CEP120: variants seen among roughly 807,000 people sequenced by gnomAD.
CEP120 encodes centrosomal protein of 120 kDa.
A neutral mutation model predicts 126.5 loss-of-function variants in CEP120; 113 were observed. The ratio of observed to expected loss-of-function variants is 0.89; its 90% CI spans 0.77 to 1.04. The LOEUF is 1.04. Ranked by LOEUF, CEP120 falls within the 50% of genes least tolerant of loss-of-function variation. The pLI is 0.00. For missense variants in CEP120, 1,230 were observed against 1,155.7 expected, an observed-to-expected ratio of 1.06 and a Z score of -0.93; for synonymous variants, 400 against 394.3, an observed-to-expected ratio of 1.01 and a Z score of -0.17.
chr5:123,418,813 C>G (rs779244218), intron 1 of CEP120, among the ~76,000 whole-genome samples: 37 of 152,208 alleles, frequency 2.4e-4, no homozygotes, highest in South Asian at 1.0e-3. Context: ...GAACTCCTGA[C>G]TTCAGGTGAT....
rs772135307 is a variant in CEP120 at position 123,383,079 on chromosome 5, T to G, written c.1767A>C (p.Ser589=). 1.9e-5 allele frequency: 28 copies of G among 1,451,886 alleles called. No homozygotes were observed. The highest frequency in any genetic ancestry group is 2.6e-5 in the Non-Finnish European group (27 of 1,051,652). The allele number at this position is 1,451,886 out of a possible 1,614,324, so 89.9% of individuals were successfully genotyped here. Residue 589 remains serine (S), a synonymous_variant, in exon 12 of 20, where the codon TCA becomes TCC. Transcript: ENST00000306467. ...ESVPVIAAQG[S]NNRIADLSYT... is the part of the protein sequence containing the mutation. ...AAGAAAGATCTGCTATCCTGTTATT[T>G]GATCTACAAATAAAATAAGAAATAC...
In CEP120 at chr5:123,412,442, C is replaced by A; in HGVS notation, c.420G>T (p.Val140=). The A allele has an allele frequency of 6.2e-7, 1 of 1,611,914 alleles. No individual in the cohort carries two copies. Among genetic ancestry groups the A allele is most frequent in the Non-Finnish European group, 8.5e-7 (1 of 1,179,068 alleles). Residue 140 remains valine (V), a synonymous_variant, in exon 4 of 20, where the codon GTG becomes GTT. Coordinates refer to ENST00000306467, the MANE Select transcript of CEP120 (RefSeq NM_001375405.1). ...GAGCCCCCTTTGCTTTAAAGCTATCCACTGGTGGCTTTGTATCGGTTTCCA... is the reference window on the plus strand; with the variant it reads ...GAGCCCCCTTTGCTTTAAAGCTATCAACTGGTGGCTTTGTATCGGTTTCCA... ...IALETDTKPP[V]DSFKAKGAPP... is the part of the protein sequence containing the mutation.
chr5:123,366,244 G>A (rs1770449492), intron 17 of CEP120, among the ~76,000 whole-genome samples: 1 of 151,714 alleles, frequency 6.6e-6, no homozygotes, highest in East Asian at 1.9e-4. Flanking sequence ...CTAAAATTTT[G>A]ATATAATTTC....
intron 4 of CEP120, among the ~76,000 whole-genome samples, chr5:123,411,511 A>G (rs1774059013): frequency 6.6e-6 from 1 of 152,252 alleles, no homozygotes. Flanking sequence ...AGCACTCAAA[A>G]GAAATGAGCT....
chr5:123,366,066 ATTC>A (rs1456101670), intron 17 of CEP120, among the ~76,000 whole-genome samples: 1 of 151,808 alleles, frequency 6.6e-6, no homozygotes, highest in Non-Finnish European at 1.5e-5. Flanking sequence ...TAATTTCTTT[ATTC>A]TTAATACAAT....
At chr5:123,399,321 T>C in intron 4 of CEP120, 37 bp from the exon 5 acceptor site, 1 of 1,599,258 alleles carries the variant, frequency 6.3e-7, no homozygotes, top group South Asian at 1.1e-5. Context: ...TACATTGTAG[T>C]TTGTCATAAA....
chr5:123,410,732 T>C (rs1774004862), intron 4 of CEP120, among the ~76,000 whole-genome samples: 1 of 152,170 alleles, frequency 6.6e-6, no homozygotes, highest in African/African-American at 2.4e-5. Context: ...ATAAAAGTCC[T>C]AGAAGATAAC....
chr5:123,415,867 C>CAAA, intron 3 of CEP120, 143 bp downstream of exon 3: 5 of 431,372 alleles, frequency 1.2e-5, no homozygotes, highest in South Asian at 7.4e-5. Context: ...GACTCCGTCT[C>CAAA]AAAAAAAAAA....
rs1478422696 is a variant in CEP120 at position 123,355,751 on chromosome 5, T to C, written c.2581-5662A>G. ...GTAGGTTGCCTGTTCACTCTGATGGTAGTTTCTTTTGCTGTGCAGAAGCTC... is the reference window on the plus strand; with the variant it reads ...GTAGGTTGCCTGTTCACTCTGATGGCAGTTTCTTTTGCTGTGCAGAAGCTC... On this transcript the variant is annotated intron_variant, in intron 18 of 19. Transcript: ENST00000306467. 3.9e-5 allele frequency among the ~76,000 whole-genome samples: 6 copies of C among 151,912 alleles called. No individual in the cohort carries two copies. The East Asian group carries it at 1.2e-3, about 29-fold the overall frequency.
At position 123,369,239 on chromosome 5, in the gene CEP120, C is replaced by A. The variant is rs147869339; in HGVS notation, c.2481+3411G>T. On this transcript the variant is annotated intron_variant, in intron 17 of 19. Coordinates refer to ENST00000306467, the MANE Select transcript of CEP120 (RefSeq NM_001375405.1). The stretch of plus-strand genomic sequence containing the variant: ...CTTAACTTTTATATTTACAAACATA[C>A]AATTTAAGTAAAACAATGTCCTAGG... 1.8e-3 allele frequency among the ~76,000 whole-genome samples: 280 copies of A among 151,978 alleles called. 1 individual carries two copies. The highest frequency in any genetic ancestry group is 6.3e-3 in the African/African-American group (263 of 41,480).
chr5:123,408,479 T>C (rs1773841509), intron 4 of CEP120, among the ~76,000 whole-genome samples: 1 of 151,638 alleles, frequency 6.6e-6, no homozygotes. Flanking sequence ...AATAAAGGAA[T>C]ACTATGAAGA....
At chr5:123,412,928 C>T (rs1774155153) in intron 3 of CEP120, among the ~76,000 whole-genome samples, 1 of 152,112 alleles carries the variant, frequency 6.6e-6, no homozygotes, top group African/African-American at 2.4e-5. Flanking sequence ...TTAAATTATA[C>T]CTTTTCTTTC....
chr5:123,407,539 A>C (rs1183218416), intron 4 of CEP120, among the ~76,000 whole-genome samples: 1 of 152,218 alleles, frequency 6.6e-6, no homozygotes, highest in African/African-American at 2.4e-5. Context: ...AAGACAAAAT[A>C]ATTTTTAACG....
chr5:123,378,931 C>T (rs1444486751), intron 14 of CEP120, among the ~76,000 whole-genome samples: 1 of 151,470 alleles, frequency 6.6e-6, no homozygotes, highest in Non-Finnish European at 1.5e-5. Flanking sequence ...GAGGACTGGG[C>T]TGTGGGACAA....
intron 18 of CEP120, among the ~76,000 whole-genome samples, chr5:123,360,444 G>C (rs1375591111): frequency 6.6e-6 from 1 of 151,836 alleles, no homozygotes; most frequent in Admixed American, 6.6e-5. Flanking sequence ...CAGAAAGTTT[G>C]TGGGATAAGG....
Position 123,350,064 on chromosome 5 carries a change from C to T in CEP120, c.2606G>A (p.Arg869His), listed in dbSNP as rs771132137. Residue 869 changes from arginine to histidine, a missense_variant, in exon 19 of 20, where the codon CGT becomes CAT. Physicochemically the swap from Arg to His is conservative, Grantham distance 29 (BLOSUM62 0). Transcript: ENST00000306467. ...KQREQESQMA[R>H]LKKQQEELEQ... ...CAATTCTTCCTGCTGTTTTTTAAGA[C>T]GAGCCATTTGACTTTCTTGCTCCCT... 5.0e-5 allele frequency: 81 copies of T among 1,612,172 alleles called. No homozygotes were observed. In the South Asian group the frequency reaches 7.4e-4, roughly 15 times the overall value.
intron 18 of CEP120, among the ~76,000 whole-genome samples, chr5:123,358,694 T>TCACA (rs34534235): frequency 2.3e-4 from 35 of 151,046 alleles, no homozygotes; most frequent in African/African-American, 6.1e-4. Flanking sequence ...TTAATAATAA[T>TCACA]CACACACACA....
rs1562097915 is a variant in CEP120, at chr5:123,416,079, A to G, written c.252T>C (p.Pro84=). 2 of 1,613,930 alleles carry G rather than the reference A, an allele frequency of 1.2e-6. No individual in the cohort carries two copies. Among genetic ancestry groups the G allele is most frequent in the Non-Finnish European group, 1.7e-6 (2 of 1,179,910 alleles). ...CTATGGTTTCCTTGGCTGAAGTTAC[A>G]GGATCCAAGGCAAAACATTGGAGTT... ...PIKLQCFALD[P]VTSAKETIGY... Residue 84 remains proline, a synonymous_variant, in exon 3 of 20, where the codon CCT becomes CCC. Transcript: ENST00000306467.
At chr5:123,399,347 TA>T in intron 4 of CEP120, 63 bp from the exon 5 acceptor site, 1 of 1,451,148 alleles carries the variant, frequency 6.9e-7, no homozygotes, top group East Asian at 2.3e-5. Context: ...ATAAGATTTT[TA>T]AAACTGATTA....
Sources: gnomAD v4.1 joint callset for allele counts (sites outside exome capture counted in the v4.1 genomes callset) on GRCh38, gnomAD v4.1.1 for gene constraint, MANE v1.5 for transcripts, NCBI Gene and HGNC (gene_info 2026-07-23, HGNC 2026-07-21) for gene names.